CEP76: variants seen among roughly 807,000 people sequenced by gnomAD.
CEP76 encodes centrosomal protein of 76 kDa.
CEP76 carries 55 observed loss-of-function variants against 83.3 expected under a neutral mutation model. That is an observed-to-expected ratio of 0.66 (90% confidence interval 0.53 to 0.83). The LOEUF is 0.83. Ranked by LOEUF, CEP76 falls within the 40% of genes least tolerant of loss-of-function variation. CEP76 has a pLI of 0.00. For synonymous variants in CEP76, 270 were observed against 274.5 expected (o/e 0.98, Z 0.16); for missense variants, 694 against 799.5 (o/e 0.87, Z 1.59).
rs796927503 is a variant in CEP76, at chr18:12,678,516, C to T, written c.1290-74G>A. 3.8e-5 allele frequency: 38 copies of T among 1,000,984 alleles called. No individual in the cohort carries two copies. The African/African-American group carries it at 6.1e-4, about 16-fold the overall frequency. 62.0% of individuals were successfully genotyped at this position (1,000,984 alleles called of 1,614,324 possible). A position where few individuals can be genotyped will look rare whatever the true frequency, so the allele number is the denominator to read the frequency against. On this transcript the variant is annotated intron_variant, in intron 9 of 11. Transcript: ENST00000262127. ...GCAGCATCTTACTGAGAAAATTATT[C>T]TAACACTTAAGGCCATAACTACTTC...
Position 12,698,992 on chromosome 18 carries a change from G to A in CEP76, c.507C>T (p.His169=), listed in dbSNP as rs1771285624. The part of the protein sequence containing the change: ...DFHDGFLLEV[H]RESLGDGTRM... ...ACTGTTTCTTACCCAAGCTTTCTCTGTGTACTTCAAGTAAAAAGCCATCAT... is the reference window on the plus strand; with the variant it reads ...ACTGTTTCTTACCCAAGCTTTCTCTATGTACTTCAAGTAAAAAGCCATCAT... Residue 169 remains histidine (H), a synonymous_variant, in exon 4 of 12, where the codon CAC becomes CAT. Transcript: ENST00000262127. 1 of 1,610,460 alleles carries A rather than the reference G, an allele frequency of 6.2e-7. No individual in the cohort carries two copies. The highest frequency in any genetic ancestry group is 8.5e-7 in the Non-Finnish European group (1 of 1,177,136).
chr18:12,691,112 G>T, intron 7 of CEP76: 1 of 350,548 alleles, frequency 2.9e-6, no homozygotes, highest in East Asian at 4.8e-5. Context: ...CACAATAATT[G>T]ATTCAACCTG....
rs2039251189 is a variant in CEP76 at position 12,679,104 on chromosome 18, T to C, written c.1290-662A>G. 4 of 152,082 alleles carry C rather than the reference T, an allele frequency of 2.6e-5. No homozygotes were observed. The South Asian group carries it at 8.3e-4, about 31-fold the overall frequency. 9.4% of individuals were successfully genotyped at this position (152,082 alleles called of 1,614,324 possible). A position where few individuals can be genotyped will look rare whatever the true frequency, so the allele number is the denominator to read the frequency against. ...AAAAGAGGGCCCAGGGCTGGGCCTC[T>C]AGAACACACACATTTAAAGACAAGA... is the stretch of plus-strand genomic sequence containing the variant. On this transcript the variant is annotated intron_variant, in intron 9 of 11. Coordinates refer to ENST00000262127, the MANE Select transcript of CEP76 (RefSeq NM_024899.4).
intron 12 of CEP76, among the ~76,000 whole-genome samples, chr18:12,662,567 C>T (rs1467355051): frequency 6.6e-6 from 1 of 152,108 alleles, no homozygotes; most frequent in African/African-American, 2.4e-5. Context: ...TTTGAGCTCA[C>T]AAGTTTGAGA....
chr18:12,692,323 A>G (rs2039797066), intron 6 of CEP76: 1 of 151,968 alleles, frequency 6.6e-6, no homozygotes, highest in Non-Finnish European at 1.5e-5. Flanking sequence ...CTCAAAAAAA[A>G]AAAAAACATA....
intron 9 of CEP76, 62 bp downstream of exon 9, chr18:12,680,596 CAAAA>C (rs34861312): frequency 5.7e-3 from 4,236 of 747,680 alleles, no homozygotes; most frequent in South Asian, 7.5e-3. Context: ...GACTCCATCT[CAAAA>C]AAAAAAAAAA....
intron 8 of CEP76, among the ~76,000 whole-genome samples, chr18:12,683,350 C>G (rs945738402): frequency 6.7e-6 from 1 of 150,084 alleles, no homozygotes; most frequent in African/African-American, 2.5e-5. Flanking sequence ...AGACCCCGTC[C>G]TAAACAAAAA....
rs2039744086 is a variant in CEP76, at chr18:12,691,125, A to T, written c.933+234T>A. The T allele has an allele frequency of 8.0e-6, 3 of 376,718 alleles. No homozygotes were observed. The South Asian group carries it at 2.5e-4, about 31-fold the overall frequency. 23.3% of individuals were successfully genotyped at this position (376,718 alleles called of 1,614,324 possible). Reference sequence around the variant, plus strand: ...AACACAATAATTGATTCAACCTGAGAAAGGTGATTTTTCAAAAACCCACAA... The same window carrying T: ...AACACAATAATTGATTCAACCTGAGTAAGGTGATTTTTCAAAAACCCACAA... On this transcript the variant is annotated intron_variant, in intron 7 of 11. Transcript: ENST00000262127.
intron 5 of CEP76, among the ~76,000 whole-genome samples, chr18:12,696,017 C>T (rs1289034500): frequency 6.6e-6 from 1 of 152,172 alleles, no homozygotes; most frequent in East Asian, 1.9e-4. Flanking sequence ...AAATATACTT[C>T]ACATCAAAAC....
At chr18:12,697,833 G>A (rs1460092546) in intron 4 of CEP76, among the ~76,000 whole-genome samples, 1 of 152,064 alleles carries the variant, frequency 6.6e-6, no homozygotes, top group Non-Finnish European at 1.5e-5. Context: ...ATCGAATCTA[G>A]CAATTTATCC....
chr18:12,675,499 A>G (rs1184105592), intron 10 of CEP76, among the ~76,000 whole-genome samples: 2 of 152,196 alleles, frequency 1.3e-5, no homozygotes, highest in Non-Finnish European at 2.9e-5. Context: ...CAGAGGTGAG[A>G]AAAGTCAACA....
chr18:12,680,064 A>T (rs1050092728), intron 9 of CEP76, among the ~76,000 whole-genome samples: 1 of 151,854 alleles, frequency 6.6e-6, no homozygotes, highest in Admixed American at 6.6e-5. Flanking sequence ...AAAAAAAAAA[A>T]AGAGAAAACT....
rs1406653365 is a variant in CEP76, at chr18:12,699,729, TG to T, written c.295+100del. 11 of 662,364 alleles carry T rather than the reference TG, an allele frequency of 1.7e-5. No homozygotes were observed. The East Asian group carries it at 1.8e-4, about 11-fold the overall frequency. 41.0% of individuals were successfully genotyped at this position (662,364 alleles called of 1,614,324 possible). A position where few individuals can be genotyped will look rare whatever the true frequency, so the allele number is the denominator to read the frequency against. On this transcript the variant is annotated intron_variant, in intron 3 of 11. Coordinates refer to ENST00000262127, the MANE Select transcript of CEP76 (RefSeq NM_024899.4). ...CCATAAAATTTTAAGTATTTTATTT[TG>T]GGGGGAAAAAATGGAAATGTCTTCT...
At chr18:12,699,332 A>G in intron 3 of CEP76, 129 bp from the exon 4 acceptor site, 1 of 638,764 alleles carries the variant, frequency 1.6e-6, no homozygotes, top group East Asian at 2.7e-5. Flanking sequence ...GCAAAAGAGT[A>G]ACAAATTTAT....
chr18:12,688,976 T>C (rs1475246997), intron 7 of CEP76, among the ~76,000 whole-genome samples: 2 of 152,058 alleles, frequency 1.3e-5, no homozygotes, highest in Non-Finnish European at 2.9e-5. Context: ...TAGCCAGGCA[T>C]GGTGGCACGT....
rs530964720 is a variant in CEP76, at chr18:12,678,166, T to G, written c.1566A>C (p.Ser522=). ...GCATTTCAATTTCATTACTTGTTACTGACGCGTCAATTGTGGATGCACACA... is the reference window on the plus strand; with the variant it reads ...GCATTTCAATTTCATTACTTGTTACGGACGCGTCAATTGTGGATGCACACA... ...PPLCASTIDA[S]VTSNEIEMQL... Residue 522 remains serine, a synonymous_variant, in exon 10 of 12, where the codon TCA becomes TCC. Transcript: ENST00000262127. 2.9e-5 allele frequency: 47 copies of G among 1,614,210 alleles called. No homozygotes were observed. The South Asian group carries it at 4.9e-4, about 17-fold the overall frequency.
At chr18:12,677,188 C>T (rs2039166495) in intron 10 of CEP76, among the ~76,000 whole-genome samples, 1 of 152,090 alleles carries the variant, frequency 6.6e-6, no homozygotes, top group Non-Finnish European at 1.5e-5. Context: ...CGCAGTGGCT[C>T]ACAACTGTAA....
intron 4 of CEP76, among the ~76,000 whole-genome samples, chr18:12,698,177 A>G (rs2040024248): frequency 6.6e-6 from 1 of 151,108 alleles, no homozygotes; most frequent in African/African-American, 2.4e-5. Context: ...TTTATTTGTA[A>G]GTATTTATAA....
chr18:12,688,287 T>C (rs2039621405), intron 7 of CEP76, among the ~76,000 whole-genome samples: 1 of 151,046 alleles, frequency 6.6e-6, no homozygotes, highest in Non-Finnish European at 1.5e-5. Flanking sequence ...CTGTAACTTA[T>C]TTTAAAGTTT....
Sources: gnomAD v4.1 joint callset for allele counts (sites outside exome capture counted in the v4.1 genomes callset) on GRCh38, gnomAD v4.1.1 for gene constraint, MANE v1.5 for transcripts, NCBI Gene and HGNC (gene_info 2026-07-23, HGNC 2026-07-21) for gene names.